APBB2: variants seen among roughly 807,000 people sequenced by gnomAD.
APBB2 encodes the protein amyloid beta precursor protein binding family B member 2.
APBB2 carries 38 observed loss-of-function variants against 82.5 expected under a neutral mutation model. The observed-to-expected ratio is 0.46, with a 90% CI of 0.36 to 0.60. The LOEUF is 0.60. APBB2 is among the 20% of genes least tolerant of loss of function. The pLI, the probability that APBB2 is intolerant of heterozygous loss-of-function variation, is 0.00. For missense variants in APBB2, 772 were observed against 972.3 expected (o/e 0.79, Z 2.74); for synonymous variants, 341 against 368.2 (o/e 0.93, Z 0.85).
At chr4:41,182,385 TA>T (rs1771672498) in intron 1 of APBB2, among the ~76,000 whole-genome samples, 1 of 152,236 alleles carries the variant, frequency 6.6e-6, no homozygotes, top group African/African-American at 2.4e-5. Context: ...CTCACCAAGG[TA>T]ACCTTGGTTA....
intron 6 of APBB2, among the ~76,000 whole-genome samples, chr4:40,950,836 C>A (rs1789943724): frequency 1.3e-5 from 2 of 151,322 alleles, no homozygotes; most frequent in African/African-American, 2.4e-5. Flanking sequence ...GAGCAAGACT[C>A]CGTCTCAAAA....
At chr4:41,166,950 TG>T (rs924875600) in intron 1 of APBB2, among the ~76,000 whole-genome samples, 1 of 152,222 alleles carries the variant, frequency 6.6e-6, no homozygotes, top group African/African-American at 2.4e-5. Context: ...CTGCAAGTGG[TG>T]GGTGACTGAA....
At chr4:41,102,211 G>A (rs923204018) in intron 2 of APBB2, among the ~76,000 whole-genome samples, 1 of 152,154 alleles carries the variant, frequency 6.6e-6, no homozygotes, top group African/African-American at 2.4e-5. Flanking sequence ...CAATTAGAAA[G>A]AGGGCACAGC....
intron 6 of APBB2, among the ~76,000 whole-genome samples, chr4:40,961,117 T>C (rs1159106672): frequency 6.6e-6 from 1 of 152,194 alleles, no homozygotes; most frequent in Non-Finnish European, 1.5e-5. Flanking sequence ...ATCATATTAG[T>C]GGACTGCTAC....
At chr4:40,902,639 T>C (rs1484023868) in intron 10 of APBB2, among the ~76,000 whole-genome samples, 1 of 152,154 alleles carries the variant, frequency 6.6e-6, no homozygotes, top group Non-Finnish European at 1.5e-5. Flanking sequence ...GCTCAAGCAA[T>C]CCTTCCACCT....
intron 2 of APBB2, among the ~76,000 whole-genome samples, chr4:41,130,261 A>C (rs1432224430): frequency 6.6e-6 from 1 of 152,214 alleles, no homozygotes; most frequent in Non-Finnish European, 1.5e-5. Context: ...AATGAGGAGA[A>C]GGGTCTAAGC....
At chr4:41,045,396 C>T (rs554194978) in intron 4 of APBB2, among the ~76,000 whole-genome samples, 11 of 152,124 alleles carry the variant, frequency 7.2e-5, no homozygotes, top group African/African-American at 2.7e-4. Context: ...CATGTTCACG[C>T]CATTCTCCTG....
intron 6 of APBB2, among the ~76,000 whole-genome samples, chr4:40,976,900 T>A (rs1399329684): frequency 6.6e-6 from 1 of 151,940 alleles, no homozygotes; most frequent in Non-Finnish European, 1.5e-5. Flanking sequence ...ATAAAAAAAA[T>A]TAGCTGAGCA....
At chr4:40,981,176 G>C (rs566612527) in intron 6 of APBB2, among the ~76,000 whole-genome samples, 1 of 152,010 alleles carries the variant, frequency 6.6e-6, no homozygotes, top group Non-Finnish European at 1.5e-5. Context: ...AGGCTGAGGC[G>C]GGCGGATCAC....
intron 1 of APBB2, among the ~76,000 whole-genome samples, chr4:41,154,763 CT>C: frequency 6.6e-6 from 1 of 152,282 alleles, no homozygotes; most frequent in Admixed American, 6.5e-5. Flanking sequence ...GGTCCCAAAA[CT>C]GATTAAAAAT....
At chr4:41,081,608 T>C (rs2153933222) in intron 3 of APBB2, among the ~76,000 whole-genome samples, 1 of 152,334 alleles carries the variant, frequency 6.6e-6, no homozygotes, top group Non-Finnish European at 1.5e-5. Flanking sequence ...AAATTTTTTT[T>C]CCATCTCAAC....
intron 12 of APBB2, among the ~76,000 whole-genome samples, chr4:40,842,830 C>T (rs1020957285): frequency 1.3e-5 from 2 of 152,106 alleles, no homozygotes; most frequent in Non-Finnish European, 1.5e-5. Context: ...CACTGGAATC[C>T]AGGCACTTTT....
At chr4:41,099,711 C>T (rs1744715250) in intron 3 of APBB2, among the ~76,000 whole-genome samples, 1 of 152,038 alleles carries the variant, frequency 6.6e-6, no homozygotes, top group Admixed American at 6.6e-5. Context: ...TTTAAACATG[C>T]TTCAACTAAC....
chr4:41,133,538 A>C (rs1263154277), intron 2 of APBB2, among the ~76,000 whole-genome samples: 2 of 152,216 alleles, frequency 1.3e-5, no homozygotes, highest in Admixed American at 6.5e-5. Flanking sequence ...TGGCAATCAC[A>C]GCTTTGGAAA....
chr4:41,129,330 C>T (rs987707579), intron 2 of APBB2, among the ~76,000 whole-genome samples: 7 of 152,140 alleles, frequency 4.6e-5, no homozygotes, highest in Non-Finnish European at 1.0e-4. Context: ...TCACTCTCCA[C>T]CACCAACACC....
intron 6 of APBB2, among the ~76,000 whole-genome samples, chr4:40,987,944 G>T (rs1800829811): frequency 6.6e-6 from 1 of 152,168 alleles, no homozygotes; most frequent in Non-Finnish European, 1.5e-5. Flanking sequence ...ATATTAAAAT[G>T]AGATTTTTAT....
At chr4:40,998,231 AG>A (rs1464156010) in intron 6 of APBB2, among the ~76,000 whole-genome samples, 1 of 152,254 alleles carries the variant, frequency 6.6e-6, no homozygotes, top group Non-Finnish European at 1.5e-5. Context: ...TAAGATTCAC[AG>A]ATGTAATATT....
At chr4:40,990,072 T>G (rs1053904362) in intron 6 of APBB2, 2 of 152,248 alleles carry the variant, frequency 1.3e-5, no homozygotes, top group South Asian at 4.1e-4. Context: ...CACCCAAGTG[T>G]CCATCCATAG....
intron 12 of APBB2, among the ~76,000 whole-genome samples, chr4:40,859,519 AAC>A (rs1762254481): frequency 6.6e-6 from 1 of 152,048 alleles, no homozygotes; most frequent in South Asian, 2.1e-4. Flanking sequence ...GTAGTGTTTT[AAC>A]AGTCTCCTTG....
Sources: allele counts gnomAD v4.1 joint callset (sites outside exome capture counted in the v4.1 genomes callset), GRCh38; gene constraint gnomAD v4.1.1; transcripts MANE v1.5; gene names NCBI Gene and HGNC (gene_info 2026-07-23, HGNC 2026-07-21).